The following CRB1 variants were observed in gnomAD, a reference collection of about 807,000 sequenced individuals.
CRB1 encodes the protein protein crumbs homolog 1.
In CRB1, 83 loss-of-function variants were observed where a neutral mutation model predicts 120.0. The ratio of observed to expected loss-of-function variants is 0.69; its 90% CI spans 0.58 to 0.83. The LOEUF (loss-of-function observed/expected upper bound fraction) is 0.83. CRB1 is among the 40% of genes least tolerant of loss of function. The pLI is 0.00. For synonymous variants in CRB1, 625 were observed against 612.5 expected (o/e 1.02, Z -0.30); for missense variants, 1,699 against 1,687.6 (o/e 1.01, Z -0.12).
At chr1:197,215,838 G>C in the CRB1 span, among the ~76,000 whole-genome samples, 1 of 152,134 alleles carries the variant, frequency 6.6e-6, no homozygotes, top group Non-Finnish European at 1.5e-5. Flanking sequence ...TTGCATCTCA[G>C]AACTTTTCCC....
At chr1:197,315,248 A>G (rs1015773865) in intron 1 of CRB1, among the ~76,000 whole-genome samples, 7 of 152,162 alleles carry the variant, frequency 4.6e-5, no homozygotes, top group African/African-American at 1.7e-4. Flanking sequence ...CTACCCTGTC[A>G]TTCCATCACA....
At chr1:197,273,513 A>G (rs1046570142) in intron 1 of CRB1, among the ~76,000 whole-genome samples, 9 of 152,140 alleles carry the variant, frequency 5.9e-5, no homozygotes, top group Admixed American at 2.0e-4. Flanking sequence ...TGGAGTTATG[A>G]TCTCTCTCCT....
At chr1:197,396,148 G>A (rs186936402) in intron 5 of CRB1, among the ~76,000 whole-genome samples, 2 of 152,094 alleles carry the variant, frequency 1.3e-5, no homozygotes, top group African/African-American at 4.8e-5. Context: ...ATGGTCACAG[G>A]ATACAAAGTA....
At chr1:197,304,905 C>A (rs1037170569) in intron 1 of CRB1, among the ~76,000 whole-genome samples, 4 of 152,126 alleles carry the variant, frequency 2.6e-5, no homozygotes, top group African/African-American at 7.2e-5. Context: ...CAGAGGCAGT[C>A]CTAATCCTTG....
intron 5 of CRB1, among the ~76,000 whole-genome samples, chr1:197,359,466 T>A (rs982423670): frequency 1.3e-5 from 2 of 152,182 alleles, no homozygotes; most frequent in Non-Finnish European, 2.9e-5. Context: ...TATCAAAGAT[T>A]TTTTAACCAT....
At chr1:197,251,762 G>A in the CRB1 span, among the ~76,000 whole-genome samples, 1 of 151,726 alleles carries the variant, frequency 6.6e-6, no homozygotes, top group African/African-American at 2.4e-5. Flanking sequence ...ATTTTTTTAT[G>A]TGTTTGTGCA....
At chr1:197,257,877 A>C in the CRB1 span, among the ~76,000 whole-genome samples, 7 of 152,122 alleles carry the variant, frequency 4.6e-5, no homozygotes, top group Non-Finnish European at 1.5e-5. Context: ...CTGCTGCTGT[A>C]CTAGCACTCA....
intron 1 of CRB1, among the ~76,000 whole-genome samples, chr1:197,314,726 G>A (rs1327389674): frequency 1.3e-5 from 2 of 151,936 alleles, no homozygotes; most frequent in Non-Finnish European, 2.9e-5. Context: ...GTATAATGTG[G>A]TCTCTACTCC....
At chr1:197,340,836 C>T (rs1468734532) in intron 2 of CRB1, among the ~76,000 whole-genome samples, 1 of 152,066 alleles carries the variant, frequency 6.6e-6, no homozygotes, top group Non-Finnish European at 1.5e-5. Context: ...TGTATTAGTC[C>T]ATTTTCACTC....
intron 1 of CRB1, among the ~76,000 whole-genome samples, chr1:197,288,658 TATAGAG>T (rs1398885731): frequency 2.0e-5 from 3 of 151,812 alleles, no homozygotes; most frequent in Non-Finnish European, 4.4e-5. Flanking sequence ...AAATCAAACT[TATAGAG>T]AAAGAATCTA....
upstream of CRB1, among the ~76,000 whole-genome samples, chr1:197,265,531 A>G (rs1654613277): frequency 6.6e-6 from 1 of 152,050 alleles, no homozygotes; most frequent in African/African-American, 2.4e-5. Context: ...GCTCACTTAC[A>G]TATTTCTATA....
At chr1:197,242,068 A>C in the CRB1 span, among the ~76,000 whole-genome samples, 3 of 152,194 alleles carry the variant, frequency 2.0e-5, no homozygotes, top group African/African-American at 7.2e-5. Flanking sequence ...GAAGTTGCTT[A>C]TCAGCTTAAG....
At chr1:197,279,046 T>A (rs1300806107) in intron 1 of CRB1, among the ~76,000 whole-genome samples, 1 of 151,928 alleles carries the variant, frequency 6.6e-6, no homozygotes, top group Non-Finnish European at 1.5e-5. Context: ...TATGAAGAAA[T>A]GTTTTCTGAA....
At chr1:197,294,392 C>T (rs557212458) in intron 1 of CRB1, among the ~76,000 whole-genome samples, 18 of 151,132 alleles carry the variant, frequency 1.2e-4, no homozygotes, top group East Asian at 5.9e-4. Context: ...GTTAGAATGG[C>T]GATCATCAGG....
intron 2 of CRB1, among the ~76,000 whole-genome samples, chr1:197,330,670 C>T (rs1336184440): frequency 6.6e-6 from 1 of 152,134 alleles, no homozygotes; most frequent in African/African-American, 2.4e-5. Flanking sequence ...GGTTCCTTTC[C>T]AGCTGGAATA....
chr1:197,291,589 C>G (rs998762548), intron 1 of CRB1, among the ~76,000 whole-genome samples: 1 of 151,744 alleles, frequency 6.6e-6, no homozygotes, highest in Non-Finnish European at 1.5e-5. Flanking sequence ...TGTTATCTTT[C>G]TACAGTAAAA....
At chr1:197,460,630 G>C (rs1666488284) in intron 11 of CRB1, among the ~76,000 whole-genome samples, 1 of 152,000 alleles carries the variant, frequency 6.6e-6, no homozygotes, top group Non-Finnish European at 1.5e-5. Flanking sequence ...TGAAACGAAG[G>C]CCCAAAGAAG....
rs1324766724 is a variant in CRB1, at chr1:197,328,744, T to C, written c.393T>C (p.Tyr131=). 2 of 1,611,846 alleles carry C rather than the reference T, an allele frequency of 1.2e-6. No individual in the cohort carries two copies. The highest frequency in any genetic ancestry group is 2.7e-5 in the African/African-American group (2 of 74,864). ...HGGICHQDPI[Y]PVCICPAGYA... ...GTATTTGCCATCAGGACCCTATTTA[T>C]CCTGTCTGCATCTGCCCTGCTGGAT... The change falls in exon 2 of 12, where the codon TAT becomes TAC. Residue 131 remains tyrosine, a synonymous_variant. Transcript: ENST00000367400.
the CRB1 span, among the ~76,000 whole-genome samples, chr1:197,261,256 T>G: frequency 9.1e-4 from 138 of 152,316 alleles, 1 homozygote; most frequent in Non-Finnish European, 8.5e-4. Flanking sequence ...TAAGGTAAAT[T>G]TTAGCATTTA....
Sources: gnomAD v4.1 joint callset for allele counts (sites outside exome capture counted in the v4.1 genomes callset) on GRCh38, gnomAD v4.1.1 for gene constraint, MANE v1.5 for transcripts, NCBI Gene and HGNC (gene_info 2026-07-23, HGNC 2026-07-21) for gene names.